The following ATOSA variants were observed in gnomAD, a reference collection of about 807,000 sequenced individuals.
ATOSA encodes the protein atos homolog protein A.
chr15:52,640,571 CAAAAAAAAAAAAAAAAA>C, the ATOSA span, among the ~76,000 whole-genome samples: 3 of 27,564 alleles, frequency 1.1e-4, no homozygotes, highest in Non-Finnish European at 1.6e-4. Flanking sequence ...ACTCAAGTCT[CAAAAAAAAAAAAAAAAA>C]AAAAAAAAAA....
chr15:52,657,609 G>A, the ATOSA span: 1 of 152,090 alleles, frequency 6.6e-6, no homozygotes, highest in Non-Finnish European at 1.5e-5. Context: ...TGTGTGTTTA[G>A]TAAGTGCCTG....
the ATOSA span, among the ~76,000 whole-genome samples, chr15:52,641,544 G>C: frequency 6.6e-6 from 1 of 152,344 alleles, no homozygotes; most frequent in East Asian, 1.9e-4. Context: ...AAAAGAAAAT[G>C]AGATGATGTA....
chr15:52,674,777 TAATTGACC>T, the ATOSA span, among the ~76,000 whole-genome samples: 1 of 151,864 alleles, frequency 6.6e-6, no homozygotes, highest in East Asian at 1.9e-4. Context: ...GTATATCTTG[TAATTGACC>T]AATATATAAG....
the ATOSA span, among the ~76,000 whole-genome samples, chr15:52,689,824 T>C: frequency 9.2e-5 from 14 of 152,298 alleles, no homozygotes; most frequent in East Asian, 2.5e-3. Context: ...GCAGAGTTAG[T>C]AGCAGCTGGA....
the ATOSA span, chr15:52,651,792 AC>A: frequency 7.3e-7 from 1 of 1,371,322 alleles, no homozygotes; most frequent in Non-Finnish European, 1.0e-6. Context: ...CAAAGCAAGC[AC>A]CACAGCCAAC....
At chr15:52,611,632 G>A in the ATOSA span, 5 of 1,613,870 alleles carry the variant, frequency 3.1e-6, no homozygotes, top group East Asian at 2.2e-5. Context: ...TTGCTTAATC[G>A]CAGGATCATT....
the ATOSA span, among the ~76,000 whole-genome samples, chr15:52,614,297 G>T: frequency 6.6e-6 from 1 of 151,386 alleles, no homozygotes; most frequent in Non-Finnish European, 1.5e-5. Flanking sequence ...GTAGAGAAGG[G>T]GTTTTGCCAT....
At chr15:52,584,515 A>G in the ATOSA span, among the ~76,000 whole-genome samples, 1 of 152,154 alleles carries the variant, frequency 6.6e-6, no homozygotes, top group Non-Finnish European at 1.5e-5. Flanking sequence ...TTGGCATAAA[A>G]TATTTTATAT....
chr15:52,700,856 A>G, the ATOSA span, among the ~76,000 whole-genome samples: 1 of 152,360 alleles, frequency 6.6e-6, no homozygotes, highest in Admixed American at 6.5e-5. Flanking sequence ...TAACAAATGG[A>G]AAGATATCCC....
At chr15:52,612,043 G>A in the ATOSA span, among the ~76,000 whole-genome samples, 1 of 152,070 alleles carries the variant, frequency 6.6e-6, no homozygotes, top group Admixed American at 6.5e-5. Context: ...GGAGGGCAGT[G>A]GTGCAGTCTC....
chr15:52,583,096 T>A, the ATOSA span, among the ~76,000 whole-genome samples: 2 of 152,248 alleles, frequency 1.3e-5, no homozygotes, highest in African/African-American at 4.8e-5. Context: ...TGGCTCTGAC[T>A]GGCTCACTCT....
chr15:52,600,025 ATTTC>A, the ATOSA span: 9 of 517,204 alleles, frequency 1.7e-5, no homozygotes, highest in South Asian at 1.9e-4. Context: ...AAAGACAATT[ATTTC>A]TTTCCTTTTC....
chr15:52,679,108 G>C, the ATOSA span: 2 of 153,036 alleles, frequency 1.3e-5, no homozygotes, highest in Non-Finnish European at 2.9e-5. Flanking sequence ...GGGGACCCGA[G>C]ACGACCAGCC....
At chr15:52,665,450 T>C in the ATOSA span, among the ~76,000 whole-genome samples, 3 of 152,230 alleles carry the variant, frequency 2.0e-5, no homozygotes, top group Non-Finnish European at 4.4e-5. Flanking sequence ...TTTGGAATCA[T>C]TTGTGTGAGT....
chr15:52,702,886 A>C, the ATOSA span, among the ~76,000 whole-genome samples: 2 of 152,148 alleles, frequency 1.3e-5, no homozygotes, highest in African/African-American at 4.8e-5. Flanking sequence ...TTTCACCCAT[A>C]ATAAGCCATT....
chr15:52,608,546 T>G, the ATOSA span: 15 of 1,528,158 alleles, frequency 9.8e-6, no homozygotes, highest in East Asian at 3.4e-4. Context: ...GACTTACATT[T>G]GACATATTAG....
the ATOSA span, among the ~76,000 whole-genome samples, chr15:52,642,762 C>T: frequency 3.9e-5 from 6 of 152,128 alleles, no homozygotes; most frequent in South Asian, 2.1e-4. Context: ...CAGGCCAGAA[C>T]GCTGGATGCA....
chr15:52,587,148 T>C, the ATOSA span: 1 of 1,613,572 alleles, frequency 6.2e-7, no homozygotes, highest in Non-Finnish European at 8.5e-7. Flanking sequence ...ATAAAACACA[T>C]ACCACTTGTA....
the ATOSA span, among the ~76,000 whole-genome samples, chr15:52,642,816 A>AT: frequency 6.6e-6 from 1 of 152,042 alleles, no homozygotes; most frequent in Non-Finnish European, 1.5e-5. Context: ...GATCCTATTT[A>AT]TTTTTTTGAG....
Sources: gnomAD v4.1 joint callset for allele counts (sites outside exome capture counted in the v4.1 genomes callset) on GRCh38, gnomAD v4.1.1 for gene constraint, MANE v1.5 for transcripts, NCBI Gene and HGNC (gene_info 2026-07-23, HGNC 2026-07-21) for gene names.